TSNARE1: variants seen among roughly 807,000 people sequenced by gnomAD.
TSNARE1 encodes t-SNARE domain containing 1, also known as t-SNARE domain-containing protein 1.
Under a neutral mutation model 62.0 loss-of-function variants are expected in TSNARE1, and 49 were observed. The observed-to-expected ratio is 0.79, with a 90% CI of 0.63 to 1.00. The LOEUF is 1.00. Ranked by LOEUF, TSNARE1 falls within the 50% of genes least tolerant of loss-of-function variation. The probability of loss-of-function intolerance (pLI) is 0.00; values close to 1 mark genes in which losing one functional copy is unlikely to be tolerated. For missense variants in TSNARE1, 755 were observed against 700.1 expected, an observed-to-expected ratio of 1.08 and a Z score of -0.88; for synonymous variants, 328 against 294.4, an observed-to-expected ratio of 1.11 and a Z score of -1.17.
At chr8:142,361,804 G>GCA (rs377380994) in intron 1 of TSNARE1, among the ~76,000 whole-genome samples, 1 of 152,268 alleles carries the variant, frequency 6.6e-6, no homozygotes, top group South Asian at 2.1e-4. Flanking sequence ...AGGGACGGGT[G>GCA]CACACACACA....
intron 12 of TSNARE1, among the ~76,000 whole-genome samples, chr8:142,264,133 C>T (rs998258030): frequency 7.2e-5 from 11 of 152,180 alleles, no homozygotes; most frequent in Non-Finnish European, 1.5e-4. Flanking sequence ...CCAATCATGT[C>T]TTTGTACCTA....
rs553875094 is a variant in TSNARE1, at chr8:142,276,933, G to A, written c.1364-2070C>T. The stretch of plus-strand genomic sequence containing the variant: ...CCCTCAGCGCCCAGGCTGCCAGGTG[G>A]GCACGCCATGTCCTGCCCCGGCGCA... On this transcript the variant is annotated intron_variant, in intron 11 of 13. Coordinates refer to ENST00000524325, the MANE Select transcript of TSNARE1 (RefSeq NM_145003.5). 38 of 985,446 alleles carry A rather than the reference G, an allele frequency of 3.9e-5. No individual in the cohort carries two copies. In the African/African-American group the frequency reaches 6.4e-4, roughly 17 times the overall value. 61.0% of individuals were successfully genotyped at this position (985,446 alleles called of 1,614,324 possible). A position where few individuals can be genotyped will look rare whatever the true frequency, so the allele number is the denominator to read the frequency against.
intron 9 of TSNARE1, among the ~76,000 whole-genome samples, chr8:142,308,263 G>T (rs564330600): frequency 6.6e-6 from 1 of 152,170 alleles, no homozygotes; most frequent in East Asian, 1.9e-4. Context: ...GTGCGTCTGT[G>T]TAAGAAATAC....
chr8:142,273,913 G>A (rs1299099604), intron 12 of TSNARE1: 3 of 985,156 alleles, frequency 3.0e-6, no homozygotes, highest in Middle Eastern at 5.2e-4. Flanking sequence ...TGCCTGTGAT[G>A]TCCTGGGCTC....
At chr8:142,263,486 ACATCCC>A (rs1054088747) in intron 12 of TSNARE1, among the ~76,000 whole-genome samples, 5 of 152,174 alleles carry the variant, frequency 3.3e-5, no homozygotes, top group African/African-American at 1.2e-4. Context: ...CTGGCCTCAA[ACATCCC>A]CTTCTCGTGT....
chr8:142,298,855 G>C (rs78532560), intron 10 of TSNARE1, among the ~76,000 whole-genome samples: 3,909 of 152,306 alleles, frequency 0.026, 119 homozygotes, highest in Admixed American at 0.083. Flanking sequence ...CTTCAGGGCA[G>C]TGCTCCTGGA....
In TSNARE1 at chr8:142,371,737, C is replaced by T. The variant is rs113016493; in HGVS notation, c.-39-16974G>A. 7.8e-3 allele frequency among the ~76,000 whole-genome samples: 1,183 copies of T among 152,234 alleles called. 22 individuals carry two copies. The highest frequency in any genetic ancestry group is 0.027 in the African/African-American group (1,131 of 41,538). On this transcript the variant is annotated intron_variant, in intron 1 of 13. Coordinates refer to ENST00000524325, the MANE Select transcript of TSNARE1 (RefSeq NM_145003.5). Reference sequence around the variant, plus strand: ...GGCTGTATACTTAAGGTATGTGTCTCTTACCATACGTGAGCTAAACGCCAA... The same window carrying T: ...GGCTGTATACTTAAGGTATGTGTCTTTTACCATACGTGAGCTAAACGCCAA...
intron 1 of TSNARE1, among the ~76,000 whole-genome samples, chr8:142,399,478 G>A (rs72614032): frequency 0.059 from 8,953 of 152,260 alleles, 452 homozygotes; most frequent in East Asian, 0.27. Context: ...GAGGAATGAT[G>A]ATCTTCCCCA....
chr8:142,370,458 G>A (rs1183610307), intron 1 of TSNARE1, among the ~76,000 whole-genome samples: 2 of 152,108 alleles, frequency 1.3e-5, no homozygotes, highest in African/African-American at 4.8e-5. Flanking sequence ...TATGTGCCCA[G>A]CTACTCGGCA....
intron 1 of TSNARE1, chr8:142,366,127 C>G (rs1273232935): frequency 3.7e-6 from 1 of 269,422 alleles, no homozygotes; most frequent in Non-Finnish European, 7.4e-6. Flanking sequence ...AGCTCCGCCT[C>G]CCAGGTTCAT....
At chr8:142,401,871 A>T (rs1398317045) in intron 1 of TSNARE1, among the ~76,000 whole-genome samples, 3 of 152,188 alleles carry the variant, frequency 2.0e-5, no homozygotes, top group African/African-American at 7.2e-5. Context: ...AACGGTATGA[A>T]AGCAGCGGTT....
intron 10 of TSNARE1, among the ~76,000 whole-genome samples, chr8:142,292,807 A>C (rs556562764): frequency 2.0e-4 from 30 of 152,226 alleles, no homozygotes; most frequent in African/African-American, 7.0e-4. Flanking sequence ...TCAGAGCCCC[A>C]AACAGTTCCC....
chr8:142,344,466 C>A lies in TSNARE1; in HGVS notation c.245G>T (p.Gly82Val), dbSNP rs1206522947. The A allele has an allele frequency of 1.9e-6, 3 of 1,547,152 alleles. No individual in the cohort carries two copies. The highest frequency in any genetic ancestry group is 2.5e-5 in the South Asian group (2 of 81,532). ...CATCCGGCTGCCTTCAGGGGCAACCCCAGGCCCTGGAAAGGCACCAAAAGG... is the reference window on the plus strand; with the variant it reads ...CATCCGGCTGCCTTCAGGGGCAACCACAGGCCCTGGAAAGGCACCAAAAGG... ...IVPRARKRGP[G>V]VAPEGSRMPE... Residue 82 changes from glycine (G) to valine (V), a missense_variant, in exon 4 of 14, where the codon GGG becomes GTG. By Grantham distance (109) the Gly-to-Val change is moderately radical (BLOSUM62 -3). Transcript: ENST00000524325.
rs1224921126 is a variant in TSNARE1 at position 142,221,694 on chromosome 8, CATCCACT to C, written c.*11+7772_*11+7778del. ...TCATCCACTCATCCACTCACTCACTCATCCACTCACTCATCCACTCACTCACTCATTC... is the reference window on the plus strand; with the variant it reads ...TCATCCACTCATCCACTCACTCACTCCACTCATCCACTCACTCACTCATTC... On this transcript the variant is annotated intron_variant, in intron 13 of 13. Transcript: ENST00000524325. 2.0e-4 allele frequency among the ~76,000 whole-genome samples: 21 copies of C among 105,242 alleles called. 2 individuals carry two copies. In the South Asian group the frequency reaches 2.5e-3, roughly 13 times the overall value. 69.0% of individuals were successfully genotyped at this position (105,242 alleles called of 152,430 possible).
chr8:142,324,879 T>G (rs1438699455), intron 6 of TSNARE1, among the ~76,000 whole-genome samples: 1 of 152,238 alleles, frequency 6.6e-6, no homozygotes, highest in Non-Finnish European at 1.5e-5. Flanking sequence ...TCCTAGTGAC[T>G]GCGACGCCCC....
At chr8:142,267,354 C>G (rs1044330495) in intron 12 of TSNARE1, among the ~76,000 whole-genome samples, 3 of 152,232 alleles carry the variant, frequency 2.0e-5, no homozygotes, top group African/African-American at 7.2e-5. Context: ...AGGGCAAGAA[C>G]CTTCCTCATT....
chr8:142,381,608 G>T (rs551815364), intron 1 of TSNARE1, among the ~76,000 whole-genome samples: 4 of 152,330 alleles, frequency 2.6e-5, no homozygotes, highest in African/African-American at 9.6e-5. Flanking sequence ...CAGTGCTGAG[G>T]GGTCTGGAGT....
chr8:142,361,054 G>C (rs1237941563), intron 1 of TSNARE1, among the ~76,000 whole-genome samples: 1 of 152,228 alleles, frequency 6.6e-6, no homozygotes, highest in Non-Finnish European at 1.5e-5. Context: ...AGCCTGGCTT[G>C]AGAGCAGGTC....
At chr8:142,333,842 C>T (rs936424981) in intron 4 of TSNARE1, among the ~76,000 whole-genome samples, 3 of 152,254 alleles carry the variant, frequency 2.0e-5, no homozygotes, top group South Asian at 2.1e-4. Flanking sequence ...AACTGCCAGG[C>T]GGCCTCCAGG....
Sources: allele counts gnomAD v4.1 joint callset (sites outside exome capture counted in the v4.1 genomes callset), GRCh38; gene constraint gnomAD v4.1.1; transcripts MANE v1.5; gene names NCBI Gene and HGNC (gene_info 2026-07-23, HGNC 2026-07-21).